Variants in DCAF6 observed in about 807,000 individuals in gnomAD.
DCAF6 encodes DDB1 and CUL4 associated factor 6.
DCAF6 carries 54 observed loss-of-function variants against 125.1 expected under a neutral mutation model. The ratio of observed to expected loss-of-function variants is 0.43; its 90% CI spans 0.35 to 0.54. DCAF6 has a LOEUF of 0.54. DCAF6 is among the 20% of genes least tolerant of loss of function. DCAF6 has a pLI of 0.01. For synonymous variants in DCAF6, 371 were observed against 390.4 expected (o/e 0.95, Z 0.58); for missense variants, 934 against 1,161.7 (o/e 0.80, Z 2.85).
chr1:168,016,003 TG>T, intron 11 of DCAF6, 52 bp downstream of exon 11: 2 of 1,357,474 alleles, frequency 1.5e-6, no homozygotes, highest in South Asian at 3.6e-5. Context: ...TTTTTAATAC[TG>T]CTACTGTGTA....
At chr1:167,882,135 C>A in the DCAF6 span, among the ~76,000 whole-genome samples, 1 of 152,196 alleles carries the variant, frequency 6.6e-6, no homozygotes, top group Non-Finnish European at 1.5e-5. Context: ...AATCAATTCT[C>A]ACATATGCAT....
At chr1:167,929,786 C>T in the DCAF6 span, among the ~76,000 whole-genome samples, 1 of 152,150 alleles carries the variant, frequency 6.6e-6, no homozygotes, top group African/African-American at 2.4e-5. Flanking sequence ...TACACACTTA[C>T]AAATACTGGA....
intron 1 of DCAF6, among the ~76,000 whole-genome samples, chr1:167,940,679 A>G (rs1001030619): frequency 1.3e-5 from 2 of 152,090 alleles, no homozygotes; most frequent in Non-Finnish European, 2.9e-5. Context: ...CGGTTTTGTA[A>G]AGATAAACAT....
At chr1:167,951,534 C>T (rs1673939195) in intron 1 of DCAF6, among the ~76,000 whole-genome samples, 1 of 152,120 alleles carries the variant, frequency 6.6e-6, no homozygotes, top group African/African-American at 2.4e-5. Flanking sequence ...GAGATCATGC[C>T]ACTGCACTCC....
intron 11 of DCAF6, among the ~76,000 whole-genome samples, chr1:168,021,857 A>G (rs776148658): frequency 3.3e-5 from 5 of 152,174 alleles, no homozygotes; most frequent in Non-Finnish European, 5.9e-5. Flanking sequence ...ATCTTAAAAT[A>G]CCTACTTTTT....
intron 21 of DCAF6, among the ~76,000 whole-genome samples, chr1:168,071,058 T>C (rs1358572028): frequency 6.6e-6 from 1 of 152,216 alleles, no homozygotes; most frequent in Admixed American, 6.5e-5. Context: ...CCTCAGTAAG[T>C]GATACTAACT....
chr1:168,048,038 G>A (rs1689363909), intron 16 of DCAF6, among the ~76,000 whole-genome samples: 1 of 152,098 alleles, frequency 6.6e-6, no homozygotes, highest in African/African-American at 2.4e-5. Context: ...AAGAGAGAAA[G>A]TTTAAGAGAT....
At chr1:167,898,594 G>GTT in the DCAF6 span, among the ~76,000 whole-genome samples, 1 of 146,582 alleles carries the variant, frequency 6.8e-6, no homozygotes, top group Non-Finnish European at 1.5e-5. Context: ...GCGAGACTCC[G>GTT]TTTTTTTTTT....
chr1:168,066,535 T>C (rs1692354780), intron 20 of DCAF6, 70 bp downstream of exon 20: 2 of 1,067,418 alleles, frequency 1.9e-6, no homozygotes, highest in Non-Finnish European at 2.8e-6. Flanking sequence ...CTAAGAAAAA[T>C]TAAAAGTTAT....
chr1:167,868,363 AG>A, the DCAF6 span, among the ~76,000 whole-genome samples: 1 of 152,206 alleles, frequency 6.6e-6, no homozygotes, highest in Non-Finnish European at 1.5e-5. Flanking sequence ...CTCAATTATT[AG>A]ACAATATTGC....
intron 12 of DCAF6, among the ~76,000 whole-genome samples, chr1:168,030,140 G>A (rs1686878245): frequency 6.6e-6 from 1 of 152,108 alleles, no homozygotes; most frequent in Non-Finnish European, 1.5e-5. Context: ...TAAATCAAGT[G>A]TGATGAGTGT....
At chr1:168,068,123 C>T (rs992682454) in intron 20 of DCAF6, among the ~76,000 whole-genome samples, 3 of 152,094 alleles carry the variant, frequency 2.0e-5, no homozygotes, top group African/African-American at 7.2e-5. Context: ...CAAAATTTGA[C>T]CTTTGTTTTT....
the DCAF6 span, chr1:167,893,751 C>G: frequency 1.2e-5 from 6 of 494,268 alleles, no homozygotes; most frequent in Non-Finnish European, 7.7e-6. Context: ...GAACATTTTA[C>G]TATTTACTAG....
At chr1:168,013,468 C>G (rs1684561622) in intron 10 of DCAF6, among the ~76,000 whole-genome samples, 1 of 152,168 alleles carries the variant, frequency 6.6e-6, no homozygotes, top group African/African-American at 2.4e-5. Flanking sequence ...GTCAGAAATT[C>G]TCTATGCTCC....
chr1:168,018,478 C>T (rs1465383711), intron 11 of DCAF6, among the ~76,000 whole-genome samples: 4 of 152,110 alleles, frequency 2.6e-5, no homozygotes, highest in Admixed American at 6.6e-5. Flanking sequence ...AAACAAGGAG[C>T]GACTACCCAC....
At chr1:167,982,445 G>A (rs981283808) in intron 4 of DCAF6, among the ~76,000 whole-genome samples, 6 of 152,220 alleles carry the variant, frequency 3.9e-5, no homozygotes, top group East Asian at 3.9e-4. Context: ...GTTTCACCGC[G>A]TCAACCAGGA....
At chr1:167,883,586 G>T in the DCAF6 span, 1 of 1,614,164 alleles carries the variant, frequency 6.2e-7, no homozygotes, top group African/African-American at 1.3e-5. Flanking sequence ...ATCGTCACTG[G>T]GCGAAGCTCA....
chr1:167,918,390 T>C, the DCAF6 span: 8 of 1,361,614 alleles, frequency 5.9e-6, no homozygotes, highest in East Asian at 4.6e-5. Context: ...AAAATAATCA[T>C]CAATAATAAT....
At chr1:167,891,811 G>A in the DCAF6 span, among the ~76,000 whole-genome samples, 2 of 152,030 alleles carry the variant, frequency 1.3e-5, no homozygotes, top group South Asian at 2.1e-4. Context: ...ATTCTTCAAC[G>A]ACAATGTGAA....
Sources: gnomAD v4.1 joint callset for allele counts (sites outside exome capture counted in the v4.1 genomes callset) on GRCh38, gnomAD v4.1.1 for gene constraint, MANE v1.5 for transcripts, NCBI Gene and HGNC (gene_info 2026-07-23, HGNC 2026-07-21) for gene names.